Variants in XRCC5 observed in about 807,000 individuals in gnomAD.
The protein encoded by XRCC5 is DNA repair protein Ku80.
Under a neutral mutation model 95.7 loss-of-function variants are expected in XRCC5, and 12 were observed. That is an observed-to-expected ratio of 0.13 (90% CI 0.08 to 0.20). The LOEUF is 0.20. Among genes scored for constraint, XRCC5 ranks in the 10% least tolerant of loss-of-function variants. The probability of loss-of-function intolerance (pLI) is 1.00; values close to 1 mark genes in which losing one functional copy is unlikely to be tolerated. For missense variants in XRCC5, 595 were observed against 873.9 expected (o/e 0.68, Z 4.02); for synonymous variants, 281 against 290.3 (o/e 0.97, Z 0.33).
In XRCC5 at chr2:216,175,040, A is replaced by C. The variant is rs112142172; in HGVS notation, c.1834+12992A>C. On this transcript the variant is annotated intron_variant, in intron 16 of 20. Coordinates refer to ENST00000392132, the MANE Select transcript of XRCC5 (RefSeq NM_021141.4). ...TGTTTTTGTCTGCTAAAATTTCCAGAATCATTATAGTTCCCACCACCACCA... is the reference window on the plus strand; with the variant it reads ...TGTTTTTGTCTGCTAAAATTTCCAGCATCATTATAGTTCCCACCACCACCA... The C allele has an allele frequency of 1.3e-3, 389 of 303,456 alleles. 1 individual carries two copies. Among genetic ancestry groups the C allele is most frequent in the Non-Finnish European group, 2.1e-3 (319 of 154,346 alleles). 18.8% of individuals were successfully genotyped at this position (303,456 alleles called of 1,614,324 possible).
At chr2:216,178,709 T>G (rs915354180) in intron 16 of XRCC5, among the ~76,000 whole-genome samples, 2 of 152,230 alleles carry the variant, frequency 1.3e-5, no homozygotes, top group African/African-American at 4.8e-5. Context: ...CATTTCCCCC[T>G]TCAATAGAGC....
chr2:216,109,558 G>A (rs1243180695), intron 1 of XRCC5, 101 bp downstream of exon 1: 2 of 1,531,488 alleles, frequency 1.3e-6, no homozygotes, highest in Non-Finnish European at 8.9e-7. Flanking sequence ...ACAAAGAATG[G>A]GGCAAGAGAA....
chr2:216,159,874 A>T (rs764340058), intron 14 of XRCC5, among the ~76,000 whole-genome samples, 194 bp from the exon 15 acceptor site: 18 of 152,232 alleles, frequency 1.2e-4, no homozygotes, highest in Non-Finnish European at 2.4e-4. Context: ...CCCGGTGGCT[A>T]GGAAAGGGAG....
intron 14 of XRCC5, among the ~76,000 whole-genome samples, chr2:216,152,780 C>CCT (rs1688769340): frequency 6.6e-6 from 1 of 151,794 alleles, no homozygotes; most frequent in African/African-American, 2.4e-5. Flanking sequence ...ACTTGAGGAT[C>CCT]CTCAGTAGCC....
At chr2:216,153,353 G>A (rs1005720709) in intron 14 of XRCC5, among the ~76,000 whole-genome samples, 4 of 152,132 alleles carry the variant, frequency 2.6e-5, no homozygotes, top group African/African-American at 9.7e-5. Flanking sequence ...TGTGGGGGCT[G>A]CTTTTGTGTG....
chr2:216,116,860 G>A lies in XRCC5; in HGVS notation c.319+18G>A, dbSNP rs372465042. ...GGCTGACTGTATCCTTTTTCTGCCA[G>A]AGAAGACTTTAAGAAATTTCCTTTA... On this transcript the variant is annotated intron_variant, in intron 3 of 20. Transcript: ENST00000392132. 2.5e-6 allele frequency: 4 copies of A among 1,610,002 alleles called. No individual in the cohort carries two copies. In the African/African-American group the frequency reaches 4.0e-5, roughly 16 times the overall value.
At chr2:216,157,391 GC>G (rs914829332) in intron 14 of XRCC5, among the ~76,000 whole-genome samples, 1 of 151,966 alleles carries the variant, frequency 6.6e-6, no homozygotes, top group African/African-American at 2.4e-5. Context: ...CCGCCACCAT[GC>G]CCGGCTAATG....
At chr2:216,116,529 C>A in intron 2 of XRCC5, 130 bp from the exon 3 acceptor site, 1 of 944,166 alleles carries the variant, frequency 1.1e-6, no homozygotes. Flanking sequence ...TGTTTCATCC[C>A]GCCCAATACT....
At chr2:216,125,889 C>G in intron 6 of XRCC5, 28 bp from the exon 7 acceptor site, 2 of 1,574,390 alleles carry the variant, frequency 1.3e-6, no homozygotes, top group Non-Finnish European at 1.7e-6. Context: ...AAAATTGTTG[C>G]TTTCATTTTA....
intron 1 of XRCC5, 40 bp from the exon 2 acceptor site, chr2:216,112,976 G>A (rs55662197): frequency 4.0e-6 from 6 of 1,494,542 alleles, no homozygotes; most frequent in Non-Finnish European, 4.6e-6. Context: ...CTTTTCTTAC[G>A]ACTTATTTTC....
chr2:216,176,293 A>AT (rs1322698436), intron 16 of XRCC5, among the ~76,000 whole-genome samples: 1 of 151,924 alleles, frequency 6.6e-6, no homozygotes, highest in African/African-American at 2.4e-5. Flanking sequence ...AAACTTTTGT[A>AT]TTTTTAGTGG....
chr2:216,175,218 C>A, intron 16 of XRCC5: 1 of 371,356 alleles, frequency 2.7e-6, no homozygotes, highest in South Asian at 2.2e-5. Flanking sequence ...TGTTGCCCAC[C>A]GTCACCTCCA....
chr2:216,169,607 C>CT (rs1358022450), intron 16 of XRCC5, among the ~76,000 whole-genome samples: 4 of 152,116 alleles, frequency 2.6e-5, no homozygotes, highest in Admixed American at 2.0e-4. Context: ...ATAGTTTATT[C>CT]TTTAAGTTTA....
chr2:216,177,320 T>A (rs1021432417), intron 16 of XRCC5, among the ~76,000 whole-genome samples: 1 of 152,226 alleles, frequency 6.6e-6, no homozygotes, highest in African/African-American at 2.4e-5. Flanking sequence ...GTGAGACCTT[T>A]ATGATTTTGG....
intron 14 of XRCC5, among the ~76,000 whole-genome samples, chr2:216,151,880 G>C (rs1304377185): frequency 6.6e-6 from 1 of 152,202 alleles, no homozygotes; most frequent in African/African-American, 2.4e-5. Flanking sequence ...AAAGAGGTTT[G>C]ATTGACTCAC....
At chr2:216,186,265 C>A (rs897737028) in intron 16 of XRCC5, among the ~76,000 whole-genome samples, 1 of 152,130 alleles carries the variant, frequency 6.6e-6, no homozygotes, top group Non-Finnish European at 1.5e-5. Context: ...ATGCACATGG[C>A]CCTGGGTGTT....
chr2:216,198,541 A>G (rs1689775605), intron 19 of XRCC5, among the ~76,000 whole-genome samples: 1 of 99,766 alleles, frequency 1.0e-5, no homozygotes, highest in Non-Finnish European at 2.1e-5. Context: ...GCTTTTATTT[A>G]TTTATTTATT....
chr2:216,174,228 T>G (rs566845583), intron 16 of XRCC5, among the ~76,000 whole-genome samples: 1 of 152,334 alleles, frequency 6.6e-6, no homozygotes, highest in African/African-American at 2.4e-5. Context: ...TTCAAAAATA[T>G]GCTAATTTAA....
At chr2:216,198,568 TATTTAGAG>T (rs1308840959) in intron 19 of XRCC5, among the ~76,000 whole-genome samples, 141 of 144,914 alleles carry the variant, frequency 9.7e-4, no homozygotes, top group African/African-American at 3.5e-3. Context: ...TTTATTTATT[TATTTAGAG>T]ACAGAGTCTC....
Sources: gnomAD v4.1 joint callset for allele counts (sites outside exome capture counted in the v4.1 genomes callset) on GRCh38, gnomAD v4.1.1 for gene constraint, MANE v1.5 for transcripts, NCBI Gene and HGNC (gene_info 2026-07-23, HGNC 2026-07-21) for gene names.